GRM7: variants seen among roughly 807,000 people sequenced by gnomAD.
GRM7 encodes glutamate metabotropic receptor 7, also known as metabotropic glutamate receptor 7.
A neutral mutation model predicts 84.5 loss-of-function variants in GRM7; 35 were observed. The ratio of observed to expected loss-of-function variants is 0.41; its 90% CI spans 0.32 to 0.55. The LOEUF (loss-of-function observed/expected upper bound fraction) is 0.55, where lower values mean the gene tolerates loss of function less well. GRM7 is among the 20% of genes least tolerant of loss of function. The probability of loss-of-function intolerance (pLI) is 0.19; values close to 1 mark genes in which losing one functional copy is unlikely to be tolerated. For synonymous variants in GRM7, 487 were observed against 455.1 expected (o/e 1.07, Z -0.89); for missense variants, 1,003 against 1,194.6 (o/e 0.84, Z 2.36).
chr3:7,052,615 G>T (rs1697048701), intron 1 of GRM7, among the ~76,000 whole-genome samples: 1 of 150,750 alleles, frequency 6.6e-6, no homozygotes, highest in Non-Finnish European at 1.5e-5. Flanking sequence ...TTATAGTTTT[G>T]CCTTCTCAAT....
Position 7,572,877 on chromosome 3 carries a change from TATAA to T in GRM7, c.1516-5540_1516-5537del, listed in dbSNP as rs1361221212. 6.3e-4 allele frequency among the ~76,000 whole-genome samples: 42 copies of T among 67,142 alleles called. 3 individuals are homozygous for T. Among genetic ancestry groups the T allele is most frequent in the African/African-American group, 1.2e-3 (20 of 17,332 alleles). 44.0% of individuals were successfully genotyped at this position (67,142 alleles called of 152,430 possible). A position where few individuals can be genotyped will look rare whatever the true frequency, so the allele number is the denominator to read the frequency against. ...ATATATATATATATATATATATATA[TATAA>T]ATAATCTTTCTACCTATAATAATTC... On this transcript the variant is annotated intron_variant, in intron 7 of 9. Coordinates refer to ENST00000357716, the MANE Select transcript of GRM7 (RefSeq NM_000844.4).
intron 8 of GRM7, among the ~76,000 whole-genome samples, chr3:7,630,360 T>G (rs548481802): frequency 1.8e-4 from 27 of 151,262 alleles, no homozygotes; most frequent in Non-Finnish European, 2.9e-4. Context: ...TGTCACAGTA[T>G]TTTCAACACC....
At chr3:7,504,109 T>G (rs1699967591) in intron 7 of GRM7, among the ~76,000 whole-genome samples, 1 of 152,182 alleles carries the variant, frequency 6.6e-6, no homozygotes. Context: ...AAGTTGAGAC[T>G]CAATAAAAAA....
chr3:7,675,664 C>T (rs888201533), intron 8 of GRM7, among the ~76,000 whole-genome samples: 1 of 152,172 alleles, frequency 6.6e-6, no homozygotes, highest in South Asian at 2.1e-4. Flanking sequence ...TGGTACATTT[C>T]TATCTGACTA....
intron 8 of GRM7, among the ~76,000 whole-genome samples, chr3:7,617,721 G>T (rs528830210): frequency 6.6e-6 from 1 of 152,086 alleles, no homozygotes; most frequent in Non-Finnish European, 1.5e-5. Context: ...AAACAACAGC[G>T]CAAGTATCAA....
In GRM7 at chr3:6,861,791, C is replaced by G. The variant is rs1362149677; in HGVS notation, c.403C>G (p.Arg135Gly). 3 of 1,614,162 alleles carry G rather than the reference C, an allele frequency of 1.9e-6. No individual in the cohort carries two copies. In the South Asian group the frequency reaches 3.3e-5, roughly 18 times the overall value. Reference sequence around the variant, plus strand: ...CATCCAGAAGGACACCTCCGACGTGCGCTGCACCAACGGCGAACCGCCGGT... The same window carrying G: ...CATCCAGAAGGACACCTCCGACGTGGGCTGCACCAACGGCGAACCGCCGGT... ...ALIQKDTSDVRCTNGEPPVFV... is the reference protein window; with the variant it reads ...ALIQKDTSDVGCTNGEPPVFV... Residue 135 changes from arginine (R) to glycine (G), a missense_variant, in exon 1 of 10, where the codon CGC becomes GGC. By Grantham distance (125) the Arg-to-Gly change is moderately radical. Transcript: ENST00000357716. This position sits in a 1 kb window ranked among gnomAD's most constrained non-coding sequence, Gnocchi z 6.4.
chr3:7,006,852 C>A (rs925258943), intron 1 of GRM7, among the ~76,000 whole-genome samples: 12 of 152,110 alleles, frequency 7.9e-5, no homozygotes, highest in Admixed American at 2.0e-4. Flanking sequence ...GTGTTAGAAT[C>A]TGAAGGAAAT....
intron 8 of GRM7, among the ~76,000 whole-genome samples, chr3:7,590,730 T>C (rs1695740438): frequency 6.6e-6 from 1 of 152,104 alleles, no homozygotes; most frequent in Admixed American, 6.6e-5. Flanking sequence ...TGTGTTCTTC[T>C]CACCACTCGA....
chr3:7,260,004 A>G (rs1397567373), intron 2 of GRM7, among the ~76,000 whole-genome samples: 1 of 120,544 alleles, frequency 8.3e-6, no homozygotes, highest in Non-Finnish European at 1.6e-5. Context: ...GTGTGAGATG[A>G]TATTTCATTG....
intron 9 of GRM7, among the ~76,000 whole-genome samples, chr3:7,713,447 C>G (rs200937852): frequency 6.6e-6 from 1 of 152,010 alleles, no homozygotes; most frequent in East Asian, 1.9e-4. Flanking sequence ...CAGGATTTCA[C>G]TATATCTTTT....
At chr3:7,560,863 T>C (rs1353127544) in intron 7 of GRM7, among the ~76,000 whole-genome samples, 1 of 152,164 alleles carries the variant, frequency 6.6e-6, no homozygotes, top group Admixed American at 6.5e-5. Flanking sequence ...TTTATTAATT[T>C]GTTATATTAT....
chr3:7,670,356 AG>A (rs1048550281), intron 8 of GRM7, among the ~76,000 whole-genome samples: 1 of 152,198 alleles, frequency 6.6e-6, no homozygotes, highest in Non-Finnish European at 1.5e-5. Flanking sequence ...TATTAACAAG[AG>A]GAAAGAGAAG....
intron 2 of GRM7, among the ~76,000 whole-genome samples, chr3:7,288,722 T>G (rs1238034124): frequency 6.6e-6 from 1 of 152,004 alleles, no homozygotes; most frequent in Non-Finnish European, 1.5e-5. Flanking sequence ...ATTAAATTAT[T>G]AATGGAAAGT....
chr3:7,297,821 C>G (rs1409078135), intron 2 of GRM7, among the ~76,000 whole-genome samples: 1 of 152,148 alleles, frequency 6.6e-6, no homozygotes, highest in Non-Finnish European at 1.5e-5. Context: ...TTCCTCTACC[C>G]TTTTCATCGA....
chr3:7,088,062 T>C (rs1443194768), intron 1 of GRM7, among the ~76,000 whole-genome samples: 1 of 152,222 alleles, frequency 6.6e-6, no homozygotes, highest in Non-Finnish European at 1.5e-5. Context: ...AAAATGAGAA[T>C]GACCATCCTT....
At chr3:7,055,477 CTG>C (rs148298277) in intron 1 of GRM7, among the ~76,000 whole-genome samples, 42,366 of 143,278 alleles carry the variant, frequency 0.3, 6,377 homozygotes, top group African/African-American at 0.4. Context: ...TTTTATATAT[CTG>C]TGTGTGTGTG....
rs1035206423 is a variant in GRM7, at chr3:6,889,864, G to T, written c.519+27957G>T. Among the ~76,000 whole-genome samples, 114 of 152,186 alleles carry T rather than the reference G, an allele frequency of 7.5e-4. 2 individuals carry two copies. The highest frequency in any genetic ancestry group is 2.6e-3 in the African/African-American group (106 of 41,516). The stretch of plus-strand genomic sequence containing the variant: ...TCGGCTGTGAATCCATCTGGTCCTG[G>T]ACTCTTTTTGGTTGGTAAGCTATTA... On this transcript the variant is annotated intron_variant, in intron 1 of 9. Coordinates refer to ENST00000357716, the MANE Select transcript of GRM7 (RefSeq NM_000844.4).
chr3:7,393,690 G>T (rs1695093493), intron 4 of GRM7, among the ~76,000 whole-genome samples: 1 of 152,082 alleles, frequency 6.6e-6, no homozygotes, highest in African/African-American at 2.4e-5. Context: ...CAATAAAAAT[G>T]GTTTTATGTA....
chr3:7,229,022 A>C lies in GRM7; in HGVS notation c.737-69662A>C, dbSNP rs528111489. On this transcript the variant is annotated intron_variant, in intron 2 of 9. Coordinates refer to ENST00000357716, the MANE Select transcript of GRM7 (RefSeq NM_000844.4). ...TTTTCTTTCAAAACCTCATATTATC[A>C]CAAAGTGGAAAGAATCATACAGTGA... Among the ~76,000 whole-genome samples, 32 of 152,302 alleles carry C rather than the reference A, an allele frequency of 2.1e-4. No individual in the cohort carries two copies. The South Asian group carries it at 6.4e-3, about 31-fold the overall frequency.
Sources: allele counts gnomAD v4.1 joint callset (sites outside exome capture counted in the v4.1 genomes callset), GRCh38; gene constraint gnomAD v4.1.1; non-coding constraint Gnocchi (gnomAD v3.1); transcripts MANE v1.5; gene names NCBI Gene and HGNC (gene_info 2026-07-23, HGNC 2026-07-21).